The following GRID1 variants were observed in gnomAD, a reference collection of about 807,000 sequenced individuals.
GRID1 encodes glutamate ionotropic receptor delta type subunit 1.
A neutral mutation model predicts 98.0 loss-of-function variants in GRID1; 28 were observed. The ratio of observed to expected loss-of-function variants is 0.29; its 90% CI spans 0.21 to 0.39. The LOEUF (loss-of-function observed/expected upper bound fraction) is 0.39. GRID1 is among the 10% of genes least tolerant of loss of function. GRID1 has a pLI of 1.00. For synonymous variants in GRID1, 553 were observed against 538.5 expected, an observed-to-expected ratio of 1.03 and a Z score of -0.37; for missense variants, 1,111 against 1,340.5, an observed-to-expected ratio of 0.83 and a Z score of 2.67.
At chr10:86,357,492 T>C (rs888485418) in intron 2 of GRID1, among the ~76,000 whole-genome samples, 3 of 152,196 alleles carry the variant, frequency 2.0e-5, no homozygotes, top group Admixed American at 1.3e-4. Flanking sequence ...GAAGGGAGCC[T>C]CTTGAACCCA....
At chr10:86,300,050 TAGGG>T (rs1371546411) in intron 2 of GRID1, among the ~76,000 whole-genome samples, 2 of 152,154 alleles carry the variant, frequency 1.3e-5, no homozygotes, top group African/African-American at 4.8e-5. Flanking sequence ...CATATTAGAT[TAGGG>T]AGGGCCTTAC....
chr10:86,018,693 C>A (rs1281378389), intron 4 of GRID1, among the ~76,000 whole-genome samples: 1 of 152,160 alleles, frequency 6.6e-6, no homozygotes, highest in Non-Finnish European at 1.5e-5. Context: ...GGGCCACAGA[C>A]AAAGACTTGC....
At chr10:86,329,221 G>A (rs538761293) in intron 2 of GRID1, among the ~76,000 whole-genome samples, 2 of 152,326 alleles carry the variant, frequency 1.3e-5, no homozygotes, top group South Asian at 4.1e-4. Flanking sequence ...GGCCAGCCCC[G>A]CTGACCACAG....
intron 12 of GRID1, among the ~76,000 whole-genome samples, chr10:85,683,365 C>A (rs1397971648): frequency 6.6e-6 from 1 of 152,010 alleles, no homozygotes; most frequent in Non-Finnish European, 1.5e-5. Context: ...GATCTCTATG[C>A]CTTAAGAGTG....
At position 85,833,265 on chromosome 10, in the gene GRID1, C is replaced by A. The variant is rs59427457; in HGVS notation, c.1233+21231G>T. Among the ~76,000 whole-genome samples, 345 of 152,258 alleles carry A rather than the reference C, an allele frequency of 2.3e-3. 1 individual carries two copies. The highest frequency in any genetic ancestry group is 7.6e-3 in the African/African-American group (315 of 41,550). Reference sequence around the variant, plus strand: ...GGATAGTCTTGTCACAAGTGCCCTGCCTGGGAAGTGTTCCTCATTCTCACA... The same window carrying A: ...GGATAGTCTTGTCACAAGTGCCCTGACTGGGAAGTGTTCCTCATTCTCACA... On this transcript the variant is annotated intron_variant, in intron 8 of 15. Transcript: ENST00000327946.
At chr10:85,690,468 T>C (rs1265262987) in intron 12 of GRID1, among the ~76,000 whole-genome samples, 1 of 152,194 alleles carries the variant, frequency 6.6e-6, no homozygotes, top group African/African-American at 2.4e-5. Flanking sequence ...TATTTATTCA[T>C]GTGCCACATT....
chr10:86,120,384 G>A (rs754418144), intron 4 of GRID1, among the ~76,000 whole-genome samples: 2 of 152,122 alleles, frequency 1.3e-5, no homozygotes, highest in East Asian at 3.9e-4. Context: ...AAATGTATTG[G>A]CTTCAGAGGA....
At chr10:85,729,398 T>C (rs2132658173) in intron 9 of GRID1, 115 bp downstream of exon 9, 1 of 619,392 alleles carries the variant, frequency 1.6e-6, no homozygotes. Flanking sequence ...TTATGAAAGC[T>C]CACAATACTC....
At chr10:86,337,006 G>A (rs1180780802) in intron 2 of GRID1, among the ~76,000 whole-genome samples, 1 of 147,680 alleles carries the variant, frequency 6.8e-6, no homozygotes, top group Admixed American at 6.6e-5. Flanking sequence ...CACCAGGATG[G>A]CTAGTTTTTT....
In GRID1 at chr10:85,947,617, G is replaced by A. The variant is rs189550029; in HGVS notation, c.727-31378C>T. Among the ~76,000 whole-genome samples the A allele has an allele frequency of 2.6e-3, 402 of 152,186 alleles. 2 individuals are homozygous for A. The highest frequency in any genetic ancestry group is 9.4e-3 in the African/African-American group (390 of 41,510). Reference sequence around the variant, plus strand: ...CTGCAGGATGCTGTGCCAGAGAAAGGCACACAAGAAGCAGCACCTGATGCT... The same window carrying A: ...CTGCAGGATGCTGTGCCAGAGAAAGACACACAAGAAGCAGCACCTGATGCT... On this transcript the variant is annotated intron_variant, in intron 4 of 15. Transcript: ENST00000327946.
chr10:85,875,821 T>G (rs142592120), intron 5 of GRID1, among the ~76,000 whole-genome samples: 2 of 152,254 alleles, frequency 1.3e-5, no homozygotes, highest in Non-Finnish European at 2.9e-5. Flanking sequence ...ACATTATTTC[T>G]ATTGTTTGAT....
At chr10:85,823,994 T>A (rs938129865) in intron 8 of GRID1, among the ~76,000 whole-genome samples, 2 of 152,012 alleles carry the variant, frequency 1.3e-5, no homozygotes, top group African/African-American at 4.8e-5. Flanking sequence ...TAGGAAAGGA[T>A]CCCAGAGAAA....
intron 4 of GRID1, among the ~76,000 whole-genome samples, chr10:85,940,452 A>G (rs147436698): frequency 4.4e-4 from 67 of 152,304 alleles, no homozygotes; most frequent in African/African-American, 1.5e-3. Flanking sequence ...CTCCAAAGCT[A>G]TTGGGATGAA....
intron 4 of GRID1, among the ~76,000 whole-genome samples, chr10:85,920,007 C>T (rs535336022): frequency 6.6e-6 from 1 of 152,240 alleles, no homozygotes; most frequent in East Asian, 1.9e-4. Context: ...GGAATGCACA[C>T]CCCTAACCAG....
At chr10:85,855,777 C>A (rs1018209079) in intron 7 of GRID1, among the ~76,000 whole-genome samples, 1 of 152,156 alleles carries the variant, frequency 6.6e-6, no homozygotes, top group Non-Finnish European at 1.5e-5. Context: ...CAGCCAAGGG[C>A]AAGTTGCTTA....
chr10:85,977,086 C>G (rs1390090699), intron 4 of GRID1, among the ~76,000 whole-genome samples: 1 of 152,206 alleles, frequency 6.6e-6, no homozygotes, highest in Non-Finnish European at 1.5e-5. Context: ...CTGCTTAAAT[C>G]CTGGGACATA....
chr10:85,974,621 T>TAGTG (rs1279743901), intron 4 of GRID1, among the ~76,000 whole-genome samples: 1 of 152,232 alleles, frequency 6.6e-6, no homozygotes, highest in Non-Finnish European at 1.5e-5. Flanking sequence ...ATGCTAAATA[T>TAGTG]GCTCCCCTAT....
rs371661140 is a variant in GRID1, at chr10:85,863,088, G to T, written c.951+5922C>A. 2.0e-5 allele frequency among the ~76,000 whole-genome samples: 3 copies of T among 152,324 alleles called. No individual in the cohort carries two copies. The South Asian group carries it at 6.2e-4, about 32-fold the overall frequency. ...TGGGCTCTGAGGCTCCTGAGGAGAC[G>T]CGAAGGCTGCCTTAGTCCACTCAGG... On this transcript the variant is annotated intron_variant, in intron 6 of 15. Transcript: ENST00000327946.
intron 2 of GRID1, among the ~76,000 whole-genome samples, chr10:86,244,514 G>A (rs577847112): frequency 2.6e-5 from 4 of 152,380 alleles, no homozygotes; most frequent in East Asian, 1.9e-4. Context: ...CTTAAAGCCT[G>A]CTCAGACACC....
Sources: allele counts gnomAD v4.1 joint callset (sites outside exome capture counted in the v4.1 genomes callset), GRCh38; gene constraint gnomAD v4.1.1; transcripts MANE v1.5; gene names NCBI Gene and HGNC (gene_info 2026-07-23, HGNC 2026-07-21).